The following CCDC138 variants were observed in gnomAD, a reference collection of about 807,000 sequenced individuals.
The protein encoded by CCDC138 is coiled-coil domain-containing protein 138.
In CCDC138, 66 loss-of-function variants were observed where a neutral mutation model predicts 82.3. That is an observed-to-expected ratio of 0.80 (90% CI 0.66 to 0.98). CCDC138 has a LOEUF of 0.98. Among genes scored for constraint, CCDC138 ranks in the 50% least tolerant of loss-of-function variants. The probability of loss-of-function intolerance (pLI) is 0.00; values close to 1 mark genes in which losing one functional copy is unlikely to be tolerated. For synonymous variants in CCDC138, 297 were observed against 265.4 expected (o/e 1.12, Z -1.16); for missense variants, 816 against 758.9 (o/e 1.08, Z -0.88).
At chr2:108,838,143 C>T (rs1688878609) in intron 10 of CCDC138, among the ~76,000 whole-genome samples, 1 of 151,948 alleles carries the variant, frequency 6.6e-6, no homozygotes, top group Admixed American at 6.6e-5. Context: ...AATATTGCCT[C>T]CTGGGATACA....
chr2:108,863,771 G>A (rs1353782501), intron 13 of CCDC138, among the ~76,000 whole-genome samples: 1 of 152,200 alleles, frequency 6.6e-6, no homozygotes, highest in Non-Finnish European at 1.5e-5. Flanking sequence ...GCACAAAAGA[G>A]CTTTGAAGTT....
At chr2:108,791,281 C>T (rs1320711821) in intron 3 of CCDC138, among the ~76,000 whole-genome samples, 3 of 152,130 alleles carry the variant, frequency 2.0e-5, no homozygotes, top group Non-Finnish European at 2.9e-5. Flanking sequence ...AGTTCTGCTC[C>T]ACTTTCTACT....
At chr2:108,825,883 C>T (rs1054473889) in intron 10 of CCDC138, among the ~76,000 whole-genome samples, 1 of 152,182 alleles carries the variant, frequency 6.6e-6, no homozygotes, top group Non-Finnish European at 1.5e-5. Flanking sequence ...GTCCTGCCAG[C>T]AGTCTGCAGA....
intron 12 of CCDC138, 120 bp from the exon 13 acceptor site, chr2:108,856,674 A>C (rs537159027): frequency 1.1e-6 from 1 of 887,512 alleles, no homozygotes. Context: ...GTGATCTCTT[A>C]TTTAATTTTT....
At chr2:108,881,069 A>C (rs1263878358), downstream of CCDC138, among the ~76,000 whole-genome samples, 1 of 152,212 alleles carries the variant, frequency 6.6e-6, no homozygotes, top group Non-Finnish European at 1.5e-5. Flanking sequence ...GGGAATTGCA[A>C]ATGAACTAGA....
chr2:108,826,534 C>CG (rs1686628563), intron 10 of CCDC138, among the ~76,000 whole-genome samples: 1 of 152,076 alleles, frequency 6.6e-6, no homozygotes, highest in African/African-American at 2.4e-5. Context: ...TGAATTGTTT[C>CG]GGTACCATGT....
At chr2:108,844,029 T>C (rs1230504496) in intron 11 of CCDC138, among the ~76,000 whole-genome samples, 1 of 150,658 alleles carries the variant, frequency 6.6e-6, no homozygotes, top group African/African-American at 2.4e-5. Flanking sequence ...ACCTGGTTAA[T>C]TTTTTTTTGT....
At chr2:108,791,654 G>C (rs1679926432) in intron 3 of CCDC138, 21 bp from the exon 4 acceptor site, 1 of 1,599,166 alleles carries the variant, frequency 6.3e-7, no homozygotes, top group Non-Finnish European at 8.5e-7. Flanking sequence ...AGATTGCTGT[G>C]ATACAATTAT....
At chr2:108,873,645 T>C in intron 14 of CCDC138, 56 bp downstream of exon 14, 3 of 1,329,898 alleles carry the variant, frequency 2.3e-6, no homozygotes, top group Non-Finnish European at 3.1e-6. Flanking sequence ...CTGTGATCAT[T>C]TAAACCAGGG....
intron 10 of CCDC138, among the ~76,000 whole-genome samples, chr2:108,816,427 G>A (rs967963321): frequency 6.6e-6 from 1 of 152,078 alleles, no homozygotes; most frequent in African/African-American, 2.4e-5. Context: ...CTCCAGCCTG[G>A]GCAACAGAGC....
intron 7 of CCDC138, among the ~76,000 whole-genome samples, chr2:108,807,643 A>G (rs975180328): frequency 2.6e-5 from 4 of 152,072 alleles, no homozygotes; most frequent in African/African-American, 9.7e-5. Flanking sequence ...TTTTGAGATG[A>G]GTCTCATTCT....
At chr2:108,881,136 A>G (rs1047197986), downstream of CCDC138, among the ~76,000 whole-genome samples, 1 of 152,246 alleles carries the variant, frequency 6.6e-6, no homozygotes, top group Non-Finnish European at 1.5e-5. Context: ...TTTCATCTAC[A>G]TTGAAAATCT....
intron 12 of CCDC138, among the ~76,000 whole-genome samples, chr2:108,853,553 A>C (rs1041707133): frequency 4.8e-5 from 7 of 145,896 alleles, no homozygotes; most frequent in African/African-American, 1.8e-4. Flanking sequence ...GAGAGATGGG[A>C]TCTCACGCTA....
At chr2:108,874,697 G>C (rs1360534386) in intron 14 of CCDC138, among the ~76,000 whole-genome samples, 1 of 152,126 alleles carries the variant, frequency 6.6e-6, no homozygotes, top group Non-Finnish European at 1.5e-5. Context: ...ATGCCTAGTA[G>C]AGGATTGTAA....
intron 10 of CCDC138, among the ~76,000 whole-genome samples, chr2:108,831,809 T>G (rs188083809): frequency 1.0e-3 from 157 of 152,068 alleles, no homozygotes; most frequent in African/African-American, 3.5e-3. Context: ...CTCGGCCCAC[T>G]GCAACTACTG....
intron 12 of CCDC138, among the ~76,000 whole-genome samples, chr2:108,847,924 G>C (rs1690762494): frequency 6.6e-6 from 1 of 152,100 alleles, no homozygotes; most frequent in Non-Finnish European, 1.5e-5. Context: ...GTGTGTGAAA[G>C]GTCACTTACG....
At chr2:108,860,858 A>G (rs1169460947) in intron 13 of CCDC138, among the ~76,000 whole-genome samples, 1 of 150,750 alleles carries the variant, frequency 6.6e-6, no homozygotes, top group Non-Finnish European at 1.5e-5. Context: ...ATATTTTGGA[A>G]TAGTTTCAAT....
intron 9 of CCDC138, among the ~76,000 whole-genome samples, chr2:108,813,248 CAAAAAAAAAAAA>C (rs371435296): frequency 3.1e-5 from 2 of 63,542 alleles, no homozygotes; most frequent in Non-Finnish European, 5.1e-5. Context: ...GACTCCGTCT[CAAAAAAAAAAAA>C]AAAAAAAAAA....
chr2:108,850,686 C>G (rs541074174), intron 12 of CCDC138, among the ~76,000 whole-genome samples: 145 of 152,226 alleles, frequency 9.5e-4, no homozygotes, highest in African/African-American at 3.3e-3. Context: ...CTCCTGACCT[C>G]ATGATCTGCC....
Sources: gnomAD v4.1 joint callset for allele counts (sites outside exome capture counted in the v4.1 genomes callset) on GRCh38, gnomAD v4.1.1 for gene constraint, MANE v1.5 for transcripts, NCBI Gene and HGNC (gene_info 2026-07-23, HGNC 2026-07-21) for gene names.